The following KCTD20 variants were observed in gnomAD, a reference collection of about 807,000 sequenced individuals.
KCTD20 encodes BTB/POZ domain-containing protein KCTD20.
In KCTD20, 30 loss-of-function variants were observed where a neutral mutation model predicts 39.6. The observed-to-expected ratio is 0.76, with a 90% CI of 0.57 to 1.03. KCTD20 has a LOEUF of 1.03. Among genes scored for constraint, KCTD20 ranks in the 50% least tolerant of loss-of-function variants. The probability of loss-of-function intolerance (pLI) is 0.00; values close to 1 mark genes in which losing one functional copy is unlikely to be tolerated. For synonymous variants in KCTD20, 162 were observed against 180.6 expected (o/e 0.90, Z 0.83); for missense variants, 422 against 522.0 (o/e 0.81, Z 1.87).
At chr6:36,452,765 T>TGA (rs1436569604) in intron 1 of KCTD20, 1 of 152,064 alleles carries the variant, frequency 6.6e-6, no homozygotes, top group Non-Finnish European at 1.5e-5. Flanking sequence ...CTTGAACTCC[T>TGA]GACCTCGTGA....
At chr6:36,456,259 A>G (rs1775429642) in intron 1 of KCTD20, among the ~76,000 whole-genome samples, 1 of 152,134 alleles carries the variant, frequency 6.6e-6, no homozygotes, top group Admixed American at 6.5e-5. Context: ...CCTGGGCAAC[A>G]TAGCAAGACC....
At chr6:36,477,804 C>A (rs1287749301) in intron 3 of KCTD20, among the ~76,000 whole-genome samples, 1 of 145,840 alleles carries the variant, frequency 6.9e-6, no homozygotes, top group African/African-American at 2.5e-5. Flanking sequence ...CATTTTCAGA[C>A]CTTTGAAAAG....
chr6:36,479,778 G>GT, intron 5 of KCTD20, 67 bp downstream of exon 5: 16 of 385,656 alleles, frequency 4.1e-5, no homozygotes, highest in Non-Finnish European at 6.4e-5. Context: ...GGAAGTCACC[G>GT]ATTTTTTTTT....
chr6:36,465,033 C>CAA (rs1775703758), intron 1 of KCTD20, among the ~76,000 whole-genome samples: 1 of 152,122 alleles, frequency 6.6e-6, no homozygotes, highest in African/African-American at 2.4e-5. Context: ...AATGGTGGCT[C>CAA]ACGCCTGTAA....
intron 2 of KCTD20, among the ~76,000 whole-genome samples, chr6:36,473,121 C>T (rs190746493): frequency 0.01 from 1,540 of 151,550 alleles, 26 homozygotes; most frequent in African/African-American, 0.035. Context: ...AGTGCAGTGG[C>T]GCGATCTCGG....
chr6:36,474,705 A>T, intron 2 of KCTD20, 84 bp from the exon 3 acceptor site: 2 of 1,278,666 alleles, frequency 1.6e-6, no homozygotes, highest in Non-Finnish European at 2.1e-6. Flanking sequence ...TTGTTTGTTT[A>T]CTTGTTTTAA....
intron 5 of KCTD20, among the ~76,000 whole-genome samples, chr6:36,481,120 ATTTCT>A (rs1776233333): frequency 6.6e-6 from 1 of 152,166 alleles, no homozygotes; most frequent in Non-Finnish European, 1.5e-5. Flanking sequence ...TGTACATGTG[ATTTCT>A]TTACTGAGTG....
At position 36,481,670 on chromosome 6, in the gene KCTD20, G is replaced by C. The variant is rs374948942; in HGVS notation, c.767G>C (p.Arg256Pro). Residue 256 changes from arginine to proline, a missense_variant, in exon 6 of 8, where the codon CGA becomes CCA. Arg to Pro is a moderately radical substitution (Grantham distance 103, BLOSUM62 -2). Transcript: ENST00000373731. ...IMVGCAKKGE[R>P]ECHIVVLTDE... Reference sequence around the variant, plus strand: ...GTGGGCTGTGCCAAGAAAGGAGAACGAGAGTGCCACATTGTTGTGCTGACG... The same window carrying C: ...GTGGGCTGTGCCAAGAAAGGAGAACCAGAGTGCCACATTGTTGTGCTGACG... 1.2e-6 allele frequency: 2 copies of C among 1,614,220 alleles called. No individual in the cohort carries two copies. Among genetic ancestry groups the C allele is most frequent in the Non-Finnish European group, 1.7e-6 (2 of 1,180,034 alleles).
In KCTD20 at chr6:36,488,135, A is replaced by C. The variant is rs2127460064; in HGVS notation, c.*960A>C. On this transcript the variant is annotated 3_prime_UTR_variant, in exon 8 of 8. Coordinates refer to ENST00000373731, the MANE Select transcript of KCTD20 (RefSeq NM_173562.5). ...GTGCCAGCATGGGGTACATGGAGTG[A>C]AGCTGGGTGGGAAGCATCATCTGCA... 6.6e-6 allele frequency: 1 copy of C among 152,346 alleles called. No homozygotes were observed. The highest frequency in any genetic ancestry group is 1.9e-4 in the East Asian group (1 of 5,190). The allele number at this position is 152,346 out of a possible 1,614,324, so 9.4% of individuals were successfully genotyped here.
intron 2 of KCTD20, among the ~76,000 whole-genome samples, chr6:36,472,807 ATACT>A (rs1430209248): frequency 6.6e-6 from 1 of 152,110 alleles, no homozygotes; most frequent in Non-Finnish European, 1.5e-5. Flanking sequence ...TCCTTTGTAA[ATACT>A]TACTTCTGAT....
chr6:36,481,607 T>C lies in KCTD20; in HGVS notation c.704T>C (p.Phe235Ser), dbSNP rs1776252219. ...TCTAATGACGGTGCTCATAAGCAGTTTGATCACTACCTCGAAGAGCTCATC... is the reference window on the plus strand; with the variant it reads ...TCTAATGACGGTGCTCATAAGCAGTCTGATCACTACCTCGAAGAGCTCATC... ...ELSNDGAHKQ[F>S]DHYLEELILP... The change falls in exon 6 of 8, where the codon TTT (phenylalanine) becomes TCT (serine). Residue 235 changes from phenylalanine (F) to serine (S), a missense_variant. Physicochemically the swap from Phe to Ser is radical, Grantham distance 155. Transcript: ENST00000373731. 1 of 1,614,224 alleles carries C rather than the reference T, an allele frequency of 6.2e-7. No individual in the cohort carries two copies. The highest frequency in any genetic ancestry group is 8.5e-7 in the Non-Finnish European group (1 of 1,180,050).
chr6:36,466,645 G>A (rs1440084107), intron 1 of KCTD20, among the ~76,000 whole-genome samples: 2 of 151,716 alleles, frequency 1.3e-5, no homozygotes, highest in Non-Finnish European at 2.9e-5. Flanking sequence ...GCCTCCCAAA[G>A]TTCTGAGACT....
chr6:36,448,343 T>C (rs925556367), intron 1 of KCTD20, among the ~76,000 whole-genome samples: 1 of 152,154 alleles, frequency 6.6e-6, no homozygotes, highest in Non-Finnish European at 1.5e-5. Flanking sequence ...AAAGTTACAA[T>C]GAATTATTGT....
chr6:36,474,732 T>A, intron 2 of KCTD20, 57 bp from the exon 3 acceptor site: 3 of 1,455,682 alleles, frequency 2.1e-6, no homozygotes, highest in Non-Finnish European at 2.8e-6. Context: ...CAGGGTTTAT[T>A]TTTCTCTCAA....
chr6:36,446,603 A>G lies in KCTD20; in HGVS notation c.-47+3492A>G, dbSNP rs535982172. Among the ~76,000 whole-genome samples, 107 of 152,340 alleles carry G rather than the reference A, an allele frequency of 7.0e-4. 1 individual carries two copies. Among genetic ancestry groups the G allele is most frequent in the African/African-American group, 2.5e-3 (105 of 41,570 alleles). ...GAAGTTCCAGACCATCCTGGGCAACACAGGGAGACCCTGTCTGTATTATTT... is the reference window on the plus strand; with the variant it reads ...GAAGTTCCAGACCATCCTGGGCAACGCAGGGAGACCCTGTCTGTATTATTT... On this transcript the variant is annotated intron_variant, in intron 1 of 7. Transcript: ENST00000373731.
At chr6:36,447,026 C>G (rs905489213) in intron 1 of KCTD20, among the ~76,000 whole-genome samples, 1 of 152,120 alleles carries the variant, frequency 6.6e-6, no homozygotes, top group African/African-American at 2.4e-5. Context: ...AGTGGCTGAG[C>G]CTGTAGTAAA....
chr6:36,487,160 C>G lies in KCTD20; in HGVS notation c.1245C>G (p.Asn415Lys), dbSNP rs142643758. 190 of 1,612,856 alleles carry G rather than the reference C, an allele frequency of 1.2e-4. No homozygotes were observed. The African/African-American group carries it at 2.5e-3, about 21-fold the overall frequency. ...CCCCACTTTCTCAGATGGCTTCTAA[C>G]GACTTTCAGGATTAGGGCCAGCTGT... ...LNAPLSQMAS[N>K]DFQD The change falls in exon 8 of 8, where the codon AAC becomes AAG. Residue 415 changes from asparagine (N) to lysine (K), a missense_variant. By Grantham distance (94) the Asn-to-Lys change is moderately conservative (BLOSUM62 0). Transcript: ENST00000373731.
In KCTD20 at chr6:36,489,210, G is replaced by T. The variant is rs768664484; in HGVS notation, c.*2035G>T. ...AACTATGTATAACTTCTGTTACACA[G>T]CTTATGTATTGTTAACATTTAAGTG... On this transcript the variant is annotated 3_prime_UTR_variant, in exon 8 of 8. Transcript: ENST00000373731. 5 of 152,612 alleles carry T rather than the reference G, an allele frequency of 3.3e-5. No individual in the cohort carries two copies. Among genetic ancestry groups the T allele is most frequent in the Non-Finnish European group, 7.3e-5 (5 of 68,044 alleles). 9.5% of individuals were successfully genotyped at this position (152,612 alleles called of 1,614,324 possible). A position where few individuals can be genotyped will look rare whatever the true frequency, so the allele number is the denominator to read the frequency against.
At chr6:36,485,655 G>A (rs1399766568) in intron 7 of KCTD20, among the ~76,000 whole-genome samples, 5 of 151,888 alleles carry the variant, frequency 3.3e-5, no homozygotes, top group South Asian at 2.1e-4. Context: ...AACCATGCCC[G>A]GCTAATTTCT....
Sources: allele counts gnomAD v4.1 joint callset (sites outside exome capture counted in the v4.1 genomes callset), GRCh38; gene constraint gnomAD v4.1.1; transcripts MANE v1.5; gene names NCBI Gene and HGNC (gene_info 2026-07-23, HGNC 2026-07-21).